Variants in KCND2 observed in about 807,000 individuals in gnomAD.
The protein encoded by KCND2 is potassium voltage-gated channel subfamily D member 2, also known as A-type voltage-gated potassium channel KCND2.
In KCND2, 16 loss-of-function variants were observed where a neutral mutation model predicts 54.4. That is an observed-to-expected ratio of 0.29 (90% confidence interval 0.20 to 0.45). The LOEUF (loss-of-function observed/expected upper bound fraction) is 0.45, where lower values mean the gene tolerates loss of function less well. KCND2 is among the 20% of genes least tolerant of loss of function. KCND2 has a pLI of 1.00. For synonymous variants in KCND2, 317 were observed against 310.7 expected, an observed-to-expected ratio of 1.02 and a Z score of -0.21; for missense variants, 486 against 824.2, an observed-to-expected ratio of 0.59 and a Z score of 5.02.
intron 1 of KCND2, among the ~76,000 whole-genome samples, chr7:120,637,049 G>A (rs941233733): frequency 2.0e-5 from 3 of 152,032 alleles, no homozygotes; most frequent in South Asian, 2.1e-4. Flanking sequence ...TTATTCAACA[G>A]GCATACATTG....
At chr7:120,543,400 T>G (rs916419528) in intron 1 of KCND2, among the ~76,000 whole-genome samples, 2 of 151,858 alleles carry the variant, frequency 1.3e-5, no homozygotes, top group African/African-American at 4.8e-5. Flanking sequence ...CCTTAAGAGA[T>G]ACACACAAAA....
At chr7:120,288,525 T>A (rs1799382587) in intron 1 of KCND2, among the ~76,000 whole-genome samples, 1 of 152,082 alleles carries the variant, frequency 6.6e-6, no homozygotes, top group African/African-American at 2.4e-5. Flanking sequence ...TGATTTGATG[T>A]TGAGATGTTT....
At chr7:120,737,277 G>A (rs1335741459) in intron 2 of KCND2, among the ~76,000 whole-genome samples, 1 of 151,894 alleles carries the variant, frequency 6.6e-6, no homozygotes, top group Non-Finnish European at 1.5e-5. Context: ...TTTTATTTAA[G>A]TAGAATAATG....
At chr7:120,345,879 A>G (rs116522999) in intron 1 of KCND2, among the ~76,000 whole-genome samples, 222 of 152,322 alleles carry the variant, frequency 1.5e-3, no homozygotes, top group African/African-American at 5.0e-3. Flanking sequence ...GAATTGCTAC[A>G]TCATATGGTA....
chr7:120,348,833 G>C (rs548297676), intron 1 of KCND2, among the ~76,000 whole-genome samples: 1 of 152,096 alleles, frequency 6.6e-6, no homozygotes, highest in Non-Finnish European at 1.5e-5. Context: ...TTGTTTTACT[G>C]TTGCTACTTA....
At chr7:120,549,268 C>T (rs945139998) in intron 1 of KCND2, among the ~76,000 whole-genome samples, 2 of 152,082 alleles carry the variant, frequency 1.3e-5, no homozygotes, top group African/African-American at 4.8e-5. Flanking sequence ...GGACCTCTAT[C>T]GTGTTATTGG....
At chr7:120,291,873 G>A (rs969156528) in intron 1 of KCND2, among the ~76,000 whole-genome samples, 2 of 151,928 alleles carry the variant, frequency 1.3e-5, no homozygotes, top group East Asian at 1.9e-4. Flanking sequence ...TAGAGCTCAA[G>A]GAACATAGAA....
intron 1 of KCND2, among the ~76,000 whole-genome samples, chr7:120,398,479 A>T (rs1801193079): frequency 6.6e-6 from 1 of 150,536 alleles, no homozygotes; most frequent in South Asian, 2.1e-4. Flanking sequence ...ATTCACTTCT[A>T]TAAAATGGCT....
intron 1 of KCND2, among the ~76,000 whole-genome samples, chr7:120,429,483 AGGAG>A (rs1260495748): frequency 6.9e-6 from 1 of 144,568 alleles, no homozygotes; most frequent in Non-Finnish European, 1.5e-5. Context: ...ATCTCCAGGA[AGGAG>A]GAAGAGGTGG....
intron 1 of KCND2, among the ~76,000 whole-genome samples, chr7:120,485,482 C>T (rs979562415): frequency 6.6e-6 from 1 of 152,056 alleles, no homozygotes; most frequent in Non-Finnish European, 1.5e-5. Flanking sequence ...GACATATGCC[C>T]GGTTTTTCAC....
At chr7:120,462,165 A>G (rs1802292626) in intron 1 of KCND2, among the ~76,000 whole-genome samples, 2 of 133,562 alleles carry the variant, frequency 1.5e-5, no homozygotes, top group African/African-American at 7.0e-5. Flanking sequence ...AGCACACTTC[A>G]AAGTGATTGT....
At chr7:120,473,903 G>C (rs1562848737) in intron 1 of KCND2, among the ~76,000 whole-genome samples, 1 of 152,304 alleles carries the variant, frequency 6.6e-6, no homozygotes, top group Admixed American at 6.5e-5. Flanking sequence ...GGAGATTCAG[G>C]AGTCATGGGA....
At chr7:120,462,780 A>G (rs1272540249) in intron 1 of KCND2, among the ~76,000 whole-genome samples, 1 of 151,930 alleles carries the variant, frequency 6.6e-6, no homozygotes, top group African/African-American at 2.4e-5. Context: ...ATAAAGGCAT[A>G]AGAGATGAAA....
rs544731249 is a variant in KCND2 at position 120,679,650 on chromosome 7, G to A, written c.1116-53253G>A. ...TATTTCTTACCTGCTTAAAAAAATG[G>A]CTGCCTAACCAAGCACTGGAAGTTG... On this transcript the variant is annotated intron_variant, in intron 1 of 5. Coordinates refer to ENST00000331113, the MANE Select transcript of KCND2 (RefSeq NM_012281.3). Among the ~76,000 whole-genome samples the A allele has an allele frequency of 2.6e-5, 4 of 151,942 alleles. No individual in the cohort carries two copies. In the South Asian group the frequency reaches 6.2e-4, roughly 24 times the overall value.
intron 1 of KCND2, among the ~76,000 whole-genome samples, chr7:120,547,206 A>T (rs1421669366): frequency 2.0e-5 from 3 of 152,048 alleles, no homozygotes; most frequent in Non-Finnish European, 2.9e-5. Context: ...TTAAAAAGTC[A>T]AAGATAGAGA....
intron 1 of KCND2, among the ~76,000 whole-genome samples, chr7:120,454,141 A>G (rs1419640216): frequency 6.6e-6 from 1 of 152,122 alleles, no homozygotes; most frequent in African/African-American, 2.4e-5. Flanking sequence ...CTAACATCAC[A>G]CCAAGAACTG....
intron 1 of KCND2, among the ~76,000 whole-genome samples, chr7:120,516,757 A>G (rs1247240691): frequency 1.3e-5 from 2 of 152,170 alleles, no homozygotes; most frequent in Admixed American, 1.3e-4. Flanking sequence ...TTGAATATCT[A>G]CATATATGAA....
chr7:120,276,940 G>A (rs1177435608), intron 1 of KCND2, among the ~76,000 whole-genome samples: 4 of 151,994 alleles, frequency 2.6e-5, no homozygotes, highest in Non-Finnish European at 4.4e-5. Context: ...ATTTGGTAAT[G>A]GCTATAAGAA....
In KCND2 at chr7:120,326,084, A is replaced by T. The variant is rs190949231; in HGVS notation, c.1115+50337A>T. ...ATTTTGGGGATCATTTTGTTTACTGAAGTTAATGTATTATTAAAATATCAT... is the reference window on the plus strand; with the variant it reads ...ATTTTGGGGATCATTTTGTTTACTGTAGTTAATGTATTATTAAAATATCAT... On this transcript the variant is annotated intron_variant, in intron 1 of 5. Coordinates refer to ENST00000331113, the MANE Select transcript of KCND2 (RefSeq NM_012281.3). Among the ~76,000 whole-genome samples, 12 of 152,210 alleles carry T rather than the reference A, an allele frequency of 7.9e-5. No individual in the cohort carries two copies. The East Asian group carries it at 2.3e-3, about 29-fold the overall frequency.
Sources: gnomAD v4.1 joint callset for allele counts (sites outside exome capture counted in the v4.1 genomes callset) on GRCh38, gnomAD v4.1.1 for gene constraint, MANE v1.5 for transcripts, NCBI Gene and HGNC (gene_info 2026-07-23, HGNC 2026-07-21) for gene names.